The following PIAS2 variants were observed in gnomAD, a reference collection of about 807,000 sequenced individuals.
The protein encoded by PIAS2 is E3 SUMO-protein ligase PIAS2.
A neutral mutation model predicts 69.7 loss-of-function variants in PIAS2; 19 were observed. The observed-to-expected ratio is 0.27, with a 90% CI of 0.19 to 0.40. The LOEUF (loss-of-function observed/expected upper bound fraction) is 0.40, where lower values mean the gene tolerates loss of function less well. Among genes scored for constraint, PIAS2 ranks in the 10% least tolerant of loss-of-function variants. The pLI, the probability that PIAS2 is intolerant of heterozygous loss-of-function variation, is 1.00. For synonymous variants in PIAS2, 261 were observed against 263.2 expected, an observed-to-expected ratio of 0.99 and a Z score of 0.08; for missense variants, 624 against 757.0, an observed-to-expected ratio of 0.82 and a Z score of 2.06.
rs2041019629 is a variant in PIAS2, at chr18:46,811,818, A to T, written c.*615T>A. On this transcript the variant is annotated 3_prime_UTR_variant, in exon 14 of 14. Transcript: ENST00000585916. ...AAGTGTAAATGATAAGCAGGAAAAA[A>T]ACCAAGTAACACGAATGCCATTTTT... 2 of 152,254 alleles carry T rather than the reference A, an allele frequency of 1.3e-5. No homozygotes were observed. Among genetic ancestry groups the T allele is most frequent in the East Asian group, 3.8e-4 (2 of 5,202 alleles). The allele number at this position is 152,254 out of a possible 1,614,324, so 9.4% of individuals were successfully genotyped here.
intron 3 of PIAS2, among the ~76,000 whole-genome samples, chr18:46,859,550 A>G (rs939737106): frequency 2.0e-5 from 3 of 152,186 alleles, no homozygotes; most frequent in African/African-American, 7.2e-5. Context: ...GCCATTAAGG[A>G]AACGAGTAAT....
chr18:46,897,845 T>A (rs1471867748), intron 1 of PIAS2, among the ~76,000 whole-genome samples: 1 of 152,048 alleles, frequency 6.6e-6, no homozygotes, highest in Non-Finnish European at 1.5e-5. Context: ...ATTCTAAAAA[T>A]TCTAGATAAT....
intron 1 of PIAS2, among the ~76,000 whole-genome samples, chr18:46,898,581 A>C (rs957852446): frequency 1.3e-5 from 2 of 152,246 alleles, no homozygotes; most frequent in Non-Finnish European, 2.9e-5. Flanking sequence ...CGTATATCAA[A>C]TACATTTTCA....
In PIAS2 at chr18:46,809,243, C is replaced by T. The variant is rs1477441272; in HGVS notation, c.*3190G>A. 2.0e-5 allele frequency: 3 copies of T among 152,180 alleles called. No individual in the cohort carries two copies. Among genetic ancestry groups the T allele is most frequent in the African/African-American group, 4.8e-5 (2 of 41,430 alleles). 9.4% of individuals were successfully genotyped at this position (152,180 alleles called of 1,614,324 possible). On this transcript the variant is annotated 3_prime_UTR_variant, in exon 14 of 14. Transcript: ENST00000585916. ...ATAAATGCCATATAACCTAAATTCA[C>T]CTCAATGCTTTCATTTTGCCTTTAC...
intron 1 of PIAS2, among the ~76,000 whole-genome samples, chr18:46,911,951 T>C (rs772386276): frequency 6.6e-6 from 1 of 152,050 alleles, no homozygotes; most frequent in Non-Finnish European, 1.5e-5. Context: ...ATCGCGAGGC[T>C]GAGGCAGGAG....
At chr18:46,891,753 G>A (rs1207099109) in intron 1 of PIAS2, 13 of 368,430 alleles carry the variant, frequency 3.5e-5, no homozygotes, top group Non-Finnish European at 4.9e-5. Context: ...ATCTTAAAGG[G>A]CAACATTTCC....
At chr18:46,817,489 G>A (rs2041685907) in intron 12 of PIAS2, 1 of 946,726 alleles carries the variant, frequency 1.1e-6, no homozygotes, top group Admixed American at 6.2e-5. Context: ...CAGTTCTTCA[G>A]ATGTACTGTA....
At chr18:46,883,222 T>C (rs535168309) in intron 2 of PIAS2, among the ~76,000 whole-genome samples, 2 of 152,326 alleles carry the variant, frequency 1.3e-5, no homozygotes, top group East Asian at 1.9e-4. Flanking sequence ...ACTGTCCCTT[T>C]CTTATGATTT....
intron 8 of PIAS2, among the ~76,000 whole-genome samples, chr18:46,837,022 G>C (rs989708512): frequency 6.6e-6 from 1 of 152,070 alleles, no homozygotes; most frequent in Non-Finnish European, 1.5e-5. Flanking sequence ...TATTTAATCA[G>C]TACACTAATG....
chr18:46,891,835 C>A (rs1029419676), intron 1 of PIAS2, among the ~76,000 whole-genome samples: 1 of 152,134 alleles, frequency 6.6e-6, no homozygotes, highest in African/African-American at 2.4e-5. Context: ...TCACATCACA[C>A]CTTCTATTTT....
chr18:46,880,996 G>A (rs183133105), intron 2 of PIAS2, among the ~76,000 whole-genome samples: 5 of 152,248 alleles, frequency 3.3e-5, no homozygotes, highest in Admixed American at 3.3e-4. Context: ...TGAGTTATTT[G>A]TAGGTGATTT....
intron 6 of PIAS2, 79 bp downstream of exon 6, chr18:46,846,628 C>T: frequency 1.5e-6 from 2 of 1,352,240 alleles, no homozygotes; most frequent in Non-Finnish European, 2.0e-6. Context: ...AGAGCTGAAG[C>T]CAACAGCTTA....
intron 2 of PIAS2, among the ~76,000 whole-genome samples, chr18:46,869,847 C>T (rs1265389637): frequency 6.6e-6 from 1 of 152,104 alleles, no homozygotes; most frequent in East Asian, 1.9e-4. Context: ...GTCCCATCTC[C>T]CAGGAGGAAA....
intron 9 of PIAS2, among the ~76,000 whole-genome samples, chr18:46,834,230 C>A (rs2044103214): frequency 6.6e-6 from 1 of 152,032 alleles, no homozygotes; most frequent in Non-Finnish European, 1.5e-5. Flanking sequence ...CTACAACTTT[C>A]TAAACACTTT....
At chr18:46,861,836 T>C (rs1290221620) in intron 3 of PIAS2, among the ~76,000 whole-genome samples, 1 of 152,162 alleles carries the variant, frequency 6.6e-6, no homozygotes, top group Non-Finnish European at 1.5e-5. Flanking sequence ...TGGGATTGTA[T>C]CTAGGAACAG....
Position 46,828,064 on chromosome 18 carries a change from T to A in PIAS2, c.1403A>T (p.Asp468Val). Residue 468 changes from aspartate (D) to valine (V), a missense_variant, in exon 11 of 14, where the codon GAT becomes GTT. Physicochemically the swap from Asp to Val is radical, Grantham distance 152. Coordinates refer to ENST00000585916, the MANE Select transcript of PIAS2 (RefSeq NM_004671.5). ...VASEASKKKV[D>V]VIDLTIESSS... ...GCTTTCTATTGTAAGATCAATAACA[T>A]CTACTTTCTTCTTGCTTGCCTCACT... The A allele has an allele frequency of 2.5e-6, 4 of 1,613,848 alleles. No individual in the cohort carries two copies. The highest frequency in any genetic ancestry group is 3.4e-6 in the Non-Finnish European group (4 of 1,179,826).
chr18:46,904,465 A>G (rs1236351041), intron 1 of PIAS2, among the ~76,000 whole-genome samples: 1 of 152,160 alleles, frequency 6.6e-6, no homozygotes, highest in African/African-American at 2.4e-5. Flanking sequence ...AAAATAACCT[A>G]GAAGGCCGGG....
rs569050703 is a variant in PIAS2, at chr18:46,893,430, C to T, written c.25-2376G>A. ...CAAAACAAAGCACAAAGTCATCCTA[C>T]CTAAGCTTGACTCTCAGAGGAATTT... is the stretch of plus-strand genomic sequence containing the variant. On this transcript the variant is annotated intron_variant, in intron 1 of 13. Coordinates refer to ENST00000585916, the MANE Select transcript of PIAS2 (RefSeq NM_004671.5). 217 of 971,088 alleles carry T rather than the reference C, an allele frequency of 2.2e-4. 1 individual carries two copies. The African/African-American group carries it at 3.6e-3, about 16-fold the overall frequency. 60.2% of individuals were successfully genotyped at this position (971,088 alleles called of 1,614,324 possible). A position where few individuals can be genotyped will look rare whatever the true frequency, so the allele number is the denominator to read the frequency against.
chr18:46,871,483 A>G (rs1256116235), intron 2 of PIAS2, among the ~76,000 whole-genome samples: 1 of 152,230 alleles, frequency 6.6e-6, no homozygotes. Context: ...AATGTGGAGG[A>G]GCAGTCATTT....
Sources: gnomAD v4.1 joint callset for allele counts (sites outside exome capture counted in the v4.1 genomes callset) on GRCh38, gnomAD v4.1.1 for gene constraint, MANE v1.5 for transcripts, NCBI Gene and HGNC (gene_info 2026-07-23, HGNC 2026-07-21) for gene names.